SRGAP2: variants seen among roughly 807,000 people sequenced by gnomAD.
The protein encoded by SRGAP2 is SLIT-ROBO Rho GTPase activating protein 2, also known as SLIT-ROBO Rho GTPase-activating protein 2.
SRGAP2 carries 15 observed loss-of-function variants against 57.2 expected under a neutral mutation model. The ratio of observed to expected loss-of-function variants is 0.26; its 90% CI spans 0.18 to 0.40. The LOEUF (loss-of-function observed/expected upper bound fraction) is 0.40, where lower values mean the gene tolerates loss of function less well. Ranked by LOEUF, SRGAP2 falls within the 10% of genes least tolerant of loss-of-function variation. The pLI is 1.00. For synonymous variants in SRGAP2, 249 were observed against 248.0 expected, an observed-to-expected ratio of 1.00 and a Z score of -0.04; for missense variants, 520 against 669.6, an observed-to-expected ratio of 0.78 and a Z score of 2.47.
intron 2 of SRGAP2, among the ~76,000 whole-genome samples, chr1:206,279,805 G>T (rs1356388490): frequency 6.6e-6 from 1 of 151,460 alleles, no homozygotes; most frequent in African/African-American, 2.4e-5. Flanking sequence ...AATAATAGAA[G>T]TGAAAGCACT....
rs1553361735 is a variant in SRGAP2, at chr1:206,415,918, C to T, written c.1386C>T (p.Asn462=). The change falls in exon 11 of 23, where the codon AAC becomes AAT. Residue 462 remains asparagine (N), a synonymous_variant. Coordinates refer to ENST00000573034, the MANE Select transcript of SRGAP2 (RefSeq NM_015326.5). ...TGAAAGAGTACCTGGAGGGCAGGAA[C>T]CTCATCACCAAGTTACAAGCCAAGC... ...TKMKEYLEGR[N]LITKLQAKHD... The T allele has an allele frequency of 1.3e-6, 1 of 780,620 alleles. No homozygotes were observed. Among genetic ancestry groups the T allele is most frequent in the East Asian group, 2.4e-5 (1 of 41,228 alleles). 48.4% of individuals were successfully genotyped at this position (780,620 alleles called of 1,614,324 possible).
intron 3 of SRGAP2, among the ~76,000 whole-genome samples, chr1:206,304,089 TTTC>T (rs1332529733): frequency 6.6e-6 from 1 of 152,162 alleles, no homozygotes; most frequent in Non-Finnish European, 1.5e-5. Flanking sequence ...CTAAGGTCTA[TTTC>T]TTCTACATTT....
At chr1:206,442,825 G>A (rs1372034102) in intron 17 of SRGAP2, among the ~76,000 whole-genome samples, 1 of 152,222 alleles carries the variant, frequency 6.6e-6, no homozygotes, top group Non-Finnish European at 1.5e-5. Context: ...GACAGGGGTA[G>A]CAATAGTTGG....
chr1:206,252,175 TAAATAACC>T (rs1480461464), intron 2 of SRGAP2, among the ~76,000 whole-genome samples: 1 of 110,212 alleles, frequency 9.1e-6, no homozygotes, highest in African/African-American at 3.4e-5. Flanking sequence ...GCCTATAGGG[TAAATAACC>T]GGGAATGGAA....
In SRGAP2 at chr1:206,225,905, A is replaced by G. The variant is rs559727473; in HGVS notation, c.67+19868A>G. Among the ~76,000 whole-genome samples, 910 of 152,222 alleles carry G rather than the reference A, an allele frequency of 6.0e-3. 8 individuals are homozygous for G. Among genetic ancestry groups the G allele is most frequent in the African/African-American group, 0.02 (850 of 41,520 alleles). ...TGAGGGTCAGCTGGGAATGAAAGAA[A>G]AGTCAAGTCAAGCTCTGCCAGCACC... On this transcript the variant is annotated intron_variant, in intron 2 of 22. Coordinates refer to ENST00000573034, the MANE Select transcript of SRGAP2 (RefSeq NM_015326.5).
intron 4 of SRGAP2, among the ~76,000 whole-genome samples, chr1:206,359,796 C>CCCTTTTTTTTTTTTTTTTTTT (rs1558345475): frequency 2.9e-5 from 3 of 103,682 alleles, no homozygotes; most frequent in African/African-American, 1.4e-4. Flanking sequence ...AGGGATATTG[C>CCCTTTTTTTTTTTTTTTTTTT]TCTTTTTTTT....
intron 10 of SRGAP2, among the ~76,000 whole-genome samples, chr1:206,410,765 A>G (rs1185791605): frequency 6.6e-6 from 1 of 152,238 alleles, no homozygotes; most frequent in Admixed American, 6.5e-5. Flanking sequence ...TGAATGTGCC[A>G]TCATTTGTTT....
chr1:206,432,727 G>A (rs1018121709), intron 14 of SRGAP2, among the ~76,000 whole-genome samples: 5 of 152,144 alleles, frequency 3.3e-5, no homozygotes. Flanking sequence ...GGTTACGTAC[G>A]CATAAATCCA....
Position 206,303,524 on chromosome 1 carries a change from G to A in SRGAP2, c.260+51G>A, listed in dbSNP as rs1217778694. ...CTGAGACCTTGGAATATGGGGTCCA[G>A]GGTGGAGGGGGGCAGGGTATGCCAC... On this transcript the variant is annotated intron_variant, in intron 3 of 22. Transcript: ENST00000573034. The A allele has an allele frequency of 7.5e-6, 7 of 932,920 alleles. 1 individual carries two copies. Among genetic ancestry groups the A allele is most frequent in the East Asian group, 2.7e-5 (1 of 36,624 alleles). 57.8% of individuals were successfully genotyped at this position (932,920 alleles called of 1,614,324 possible). A position where few individuals can be genotyped will look rare whatever the true frequency, so the allele number is the denominator to read the frequency against.
At chr1:206,334,569 T>C (rs1403216637) in intron 3 of SRGAP2, among the ~76,000 whole-genome samples, 7 of 152,202 alleles carry the variant, frequency 4.6e-5, no homozygotes, top group Non-Finnish European at 1.0e-4. Context: ...CAGTGGCTTA[T>C]TGCTATTTGG....
chr1:206,329,864 G>A (rs1218022492), intron 3 of SRGAP2, among the ~76,000 whole-genome samples: 1 of 137,486 alleles, frequency 7.3e-6, no homozygotes, highest in Non-Finnish European at 1.6e-5. Flanking sequence ...TGGTGAGAGA[G>A]GGCATCCCTG....
At position 206,458,775 on chromosome 1, in the gene SRGAP2, A is replaced by G. The variant is rs1553379438; in HGVS notation, c.2660A>G (p.Lys887Arg). Residue 887 changes from lysine to arginine, a missense_variant, in exon 22 of 23, where the codon AAA (lysine) becomes AGA (arginine). Physicochemically the swap from Lys to Arg is conservative, Grantham distance 26. Coordinates refer to ENST00000573034, the MANE Select transcript of SRGAP2 (RefSeq NM_015326.5). ...CCCATCATGAGCCAGAGCCTCCCCA[A>G]AGAAGGGCCAGATAAGTGTTCCATC... ...SQPIMSQSLP[K>R]EGPDKCSISG... 2 of 780,838 alleles carry G rather than the reference A, an allele frequency of 2.6e-6. No individual in the cohort carries two copies. The highest frequency in any genetic ancestry group is 2.4e-5 in the East Asian group (1 of 41,246). The allele number at this position is 780,838 out of a possible 1,614,324, so 48.4% of individuals were successfully genotyped here. A position where few individuals can be genotyped will look rare whatever the true frequency, so the allele number is the denominator to read the frequency against.
At chr1:206,374,261 C>G (rs2103035919) in intron 4 of SRGAP2, among the ~76,000 whole-genome samples, 1 of 151,480 alleles carries the variant, frequency 6.6e-6, no homozygotes, top group East Asian at 1.9e-4. Flanking sequence ...CGTGATCCGC[C>G]CGCTTCGGCC....
intron 3 of SRGAP2, among the ~76,000 whole-genome samples, chr1:206,341,089 T>C (rs1291988548): frequency 6.6e-6 from 1 of 152,256 alleles, no homozygotes; most frequent in Non-Finnish European, 1.5e-5. Flanking sequence ...GACAGATATT[T>C]GATTTGTCTG....
intron 3 of SRGAP2, among the ~76,000 whole-genome samples, chr1:206,319,410 C>T (rs1673308403): frequency 6.7e-6 from 1 of 148,360 alleles, no homozygotes; most frequent in Non-Finnish European, 1.5e-5. Context: ...GACTCCGTCT[C>T]AAAAAAAAAC....
intron 2 of SRGAP2, among the ~76,000 whole-genome samples, chr1:206,264,269 G>A (rs1669748697): frequency 6.7e-6 from 1 of 148,838 alleles, no homozygotes; most frequent in South Asian, 2.1e-4. Flanking sequence ...GTATTAACCA[G>A]ACTCTCACAC....
intron 16 of SRGAP2, among the ~76,000 whole-genome samples, 181 bp downstream of exon 16, chr1:206,438,279 T>C (rs547459690): frequency 6.6e-6 from 1 of 152,256 alleles, no homozygotes; most frequent in Middle Eastern, 3.4e-3. Context: ...GAGGAAAGAC[T>C]TTTCAGTAAG....
At chr1:206,340,976 G>A (rs1396934156) in intron 3 of SRGAP2, among the ~76,000 whole-genome samples, 2 of 152,170 alleles carry the variant, frequency 1.3e-5, no homozygotes, top group Non-Finnish European at 2.9e-5. Context: ...ACAGAAGAGT[G>A]ATGCCTGGGG....
At chr1:206,291,613 T>C (rs1671325257) in intron 2 of SRGAP2, among the ~76,000 whole-genome samples, 1 of 150,662 alleles carries the variant, frequency 6.6e-6, no homozygotes, top group East Asian at 2.0e-4. Context: ...TGGGGTGTTT[T>C]GAGGATTAAG....
Sources: allele counts gnomAD v4.1 joint callset (sites outside exome capture counted in the v4.1 genomes callset), GRCh38; gene constraint gnomAD v4.1.1; transcripts MANE v1.5; gene names NCBI Gene and HGNC (gene_info 2026-07-23, HGNC 2026-07-21).